The following FLRT2 variants were observed in gnomAD, a reference collection of about 807,000 sequenced individuals.
FLRT2 encodes the protein leucine-rich repeat transmembrane protein FLRT2.
Under a neutral mutation model 40.0 loss-of-function variants are expected in FLRT2, and 15 were observed. The ratio of observed to expected loss-of-function variants is 0.38; its 90% confidence interval spans 0.25 to 0.58. The LOEUF (loss-of-function observed/expected upper bound fraction) is 0.58. Among genes scored for constraint, FLRT2 ranks in the 20% least tolerant of loss-of-function variants. The pLI, the probability that FLRT2 is intolerant of heterozygous loss-of-function variation, is 0.71. For missense variants in FLRT2, 726 were observed against 840.0 expected (o/e 0.86, Z 1.68); for synonymous variants, 380 against 336.8 (o/e 1.13, Z -1.41).
intron 1 of FLRT2, among the ~76,000 whole-genome samples, chr14:85,549,125 G>A (rs978681085): frequency 6.6e-6 from 1 of 152,038 alleles, no homozygotes; most frequent in Non-Finnish European, 1.5e-5. Context: ...AAATCCTCTG[G>A]GTTTACCATC....
At chr14:85,581,322 A>G (rs764841868) in intron 1 of FLRT2, among the ~76,000 whole-genome samples, 3 of 152,346 alleles carry the variant, frequency 2.0e-5, no homozygotes, top group Non-Finnish European at 4.4e-5. Flanking sequence ...AGTGCTCTGA[A>G]TGACAAGCCC....
intron 1 of FLRT2, among the ~76,000 whole-genome samples, chr14:85,562,025 T>G (rs978103750): frequency 1.3e-5 from 2 of 152,186 alleles, no homozygotes; most frequent in Non-Finnish European, 2.9e-5. Context: ...TTCTTACCAA[T>G]TGAAACTGGT....
chr14:85,548,658 G>A (rs1889423777), intron 1 of FLRT2, among the ~76,000 whole-genome samples: 1 of 152,180 alleles, frequency 6.6e-6, no homozygotes, highest in Non-Finnish European at 1.5e-5. Context: ...ACAATCACAT[G>A]CTTTTTATTA....
chr14:85,542,090 G>T (rs1889016662), intron 1 of FLRT2, among the ~76,000 whole-genome samples: 1 of 152,120 alleles, frequency 6.6e-6, no homozygotes, highest in South Asian at 2.1e-4. Flanking sequence ...TATCCTTATA[G>T]AATGATTATA....
rs2139372377 is a variant in FLRT2 at position 85,622,807 on chromosome 14, T to G, written c.1293T>G (p.Phe431Leu). 1.2e-6 allele frequency: 2 copies of G among 1,614,170 alleles called. No homozygotes were observed. Among genetic ancestry groups the G allele is most frequent in the East Asian group, 2.2e-5 (1 of 44,856 alleles). ...ISERIQLSIH[F>L]VNDTSIQVSW... ...AACGGATCCAGCTCTCTATCCATTTTGTGAATGATACTTCCATTCAAGTCA... is the reference window on the plus strand; with the variant it reads ...AACGGATCCAGCTCTCTATCCATTTGGTGAATGATACTTCCATTCAAGTCA... The change falls in exon 2 of 2, where the codon TTT (phenylalanine) becomes TTG (leucine). Residue 431 changes from phenylalanine to leucine, a missense_variant. Coordinates refer to ENST00000330753, the MANE Select transcript of FLRT2 (RefSeq NM_013231.6).
chr14:85,644,873 G>A lies in FLRT2; in HGVS notation c.*21376G>A, dbSNP rs908809738. 2.6e-5 allele frequency: 4 copies of A among 152,148 alleles called. No individual in the cohort carries two copies. The highest frequency in any genetic ancestry group is 5.9e-5 in the Non-Finnish European group (4 of 68,036). 9.4% of individuals were successfully genotyped at this position (152,148 alleles called of 1,614,324 possible). A position where few individuals can be genotyped will look rare whatever the true frequency, so the allele number is the denominator to read the frequency against. On this transcript the variant is annotated 3_prime_UTR_variant, in exon 2 of 2. Transcript: ENST00000330753. ...GTGCATAAAATGTTTCAGGCAGATG[G>A]TCATGCAGTTTGTAAAACTTTGCCA... is the stretch of plus-strand genomic sequence containing the variant.
chr14:85,618,099 A>C (rs1158407281), intron 1 of FLRT2, among the ~76,000 whole-genome samples: 3 of 152,226 alleles, frequency 2.0e-5, no homozygotes. Context: ...ATCTGGATGC[A>C]TAATAATAGT....
chr14:85,560,882 G>A (rs898093565), intron 1 of FLRT2: 3 of 151,568 alleles, frequency 2.0e-5, no homozygotes, highest in Admixed American at 1.3e-4. Flanking sequence ...AGATCTTCTT[G>A]ACTAAGAAAA....
intron 1 of FLRT2, among the ~76,000 whole-genome samples, chr14:85,618,896 A>G (rs1246299467): frequency 6.6e-6 from 1 of 152,114 alleles, no homozygotes; most frequent in Non-Finnish European, 1.5e-5. Context: ...GTTAGGGAAC[A>G]TTAAGATGGT....
At position 85,538,323 on chromosome 14, in the gene FLRT2, A is replaced by T. The variant is rs1888791647; in HGVS notation, c.-377+7789A>T. On this transcript the variant is annotated intron_variant, in intron 1 of 1. Transcript: ENST00000330753. ...GATGATTCTCAAACACTGGTCAGTT[A>T]TTCTGCTGATACTTACTAAGGACAT... Among the ~76,000 whole-genome samples the T allele has an allele frequency of 2.0e-5, 3 of 152,286 alleles. No homozygotes were observed. The East Asian group carries it at 5.8e-4, about 29-fold the overall frequency.
chr14:85,606,972 T>C lies in FLRT2; in HGVS notation c.-376-14167T>C, dbSNP rs529029345. On this transcript the variant is annotated intron_variant, in intron 1 of 1. Transcript: ENST00000330753. ...TTTTTCTAAAGATTGCCTTCCCTCA[T>C]GACATTTTAATACTACAGATCTACT... Among the ~76,000 whole-genome samples the C allele has an allele frequency of 2.0e-5, 3 of 150,932 alleles. No homozygotes were observed. In the East Asian group the frequency reaches 5.9e-4, roughly 30 times the overall value.
chr14:85,586,684 A>C (rs1891629253), intron 1 of FLRT2, among the ~76,000 whole-genome samples: 1 of 141,906 alleles, frequency 7.0e-6, no homozygotes, highest in Admixed American at 7.0e-5. Context: ...TATGAAGTAA[A>C]TATATATGTA....
chr14:85,538,213 G>C (rs558167220), intron 1 of FLRT2, among the ~76,000 whole-genome samples: 2 of 152,268 alleles, frequency 1.3e-5, no homozygotes, highest in South Asian at 4.1e-4. Context: ...AAACAAAGCA[G>C]TGTCATTGTT....
intron 1 of FLRT2, among the ~76,000 whole-genome samples, chr14:85,573,399 C>T (rs748265751): frequency 3.9e-5 from 6 of 152,084 alleles, no homozygotes; most frequent in Non-Finnish European, 7.4e-5. Context: ...TTAGATTTTT[C>T]TTTACTCGCT....
chr14:85,533,781 G>C (rs942406106), intron 1 of FLRT2, among the ~76,000 whole-genome samples: 20 of 151,596 alleles, frequency 1.3e-4, no homozygotes, highest in Admixed American at 5.9e-4. Context: ...CCCCGGCCCC[G>C]GCCCGCTGCG....
chr14:85,590,622 C>G (rs1891838494), intron 1 of FLRT2, among the ~76,000 whole-genome samples: 1 of 151,976 alleles, frequency 6.6e-6, no homozygotes, highest in Non-Finnish European at 1.5e-5. Flanking sequence ...TTTTTTGAGA[C>G]AGAGTCTCGC....
At chr14:85,548,616 T>G (rs1314567890) in intron 1 of FLRT2, among the ~76,000 whole-genome samples, 1 of 152,238 alleles carries the variant, frequency 6.6e-6, no homozygotes, top group Non-Finnish European at 1.5e-5. Context: ...TGCTGGAATC[T>G]TCGAAGACAT....
At chr14:85,567,366 A>G (rs570224519) in intron 1 of FLRT2, among the ~76,000 whole-genome samples, 2 of 152,050 alleles carry the variant, frequency 1.3e-5, no homozygotes, top group African/African-American at 4.8e-5. Context: ...TTTCTAGAAA[A>G]GCATACACTC....
At chr14:85,560,021 G>C (rs554311089) in intron 1 of FLRT2, among the ~76,000 whole-genome samples, 3 of 152,260 alleles carry the variant, frequency 2.0e-5, no homozygotes, top group Admixed American at 2.0e-4. Flanking sequence ...CAACAAATCT[G>C]TTAATGCTAT....
Sources: gnomAD v4.1 joint callset for allele counts (sites outside exome capture counted in the v4.1 genomes callset) on GRCh38, gnomAD v4.1.1 for gene constraint, MANE v1.5 for transcripts, NCBI Gene and HGNC (gene_info 2026-07-23, HGNC 2026-07-21) for gene names.